The following KRI1 variants were observed in gnomAD, a reference collection of about 807,000 sequenced individuals.
The protein encoded by KRI1 is KRI1 homolog.
Under a neutral mutation model 97.0 loss-of-function variants are expected in KRI1, and 83 were observed. That is an observed-to-expected ratio of 0.86 (90% CI 0.72 to 1.03). The LOEUF (loss-of-function observed/expected upper bound fraction) is 1.03. Ranked by LOEUF, KRI1 falls within the 50% of genes least tolerant of loss-of-function variation. The pLI, the probability that KRI1 is intolerant of heterozygous loss-of-function variation, is 0.00. For missense variants in KRI1, 916 were observed against 928.4 expected, an observed-to-expected ratio of 0.99 and a Z score of 0.17; for synonymous variants, 371 against 363.5, an observed-to-expected ratio of 1.02 and a Z score of -0.23.
chr19:10,565,980 G>C lies in KRI1; in HGVS notation c.20C>G (p.Ser7Trp), dbSNP rs1017084050. Reference sequence around the variant, plus strand: ...CGCCGCGTTCACCCGCAGCTGCGACGACCCGCGCGGTTCCGGCATGGCGGT... The same window carrying C: ...CGCCGCGTTCACCCGCAGCTGCGACCACCCGCGCGGTTCCGGCATGGCGGT... MPEPRG[S>W]SQLRVNAAFA... The change falls in exon 1 of 19, where the codon TCG (serine) becomes TGG (tryptophan). Residue 7 changes from serine (S) to tryptophan (W), a missense_variant. Ser to Trp is a radical substitution (Grantham distance 177). Around this residue, in one of 3 missense-constraint regions of KRI1, gnomAD observed 173 missense variants for 153.1 expected, o/e 1.13. Coordinates refer to ENST00000312962, the MANE Select transcript of KRI1 (RefSeq NM_023008.5). The C allele has an allele frequency of 5.3e-6, 8 of 1,523,620 alleles. No homozygotes were observed. The highest frequency in any genetic ancestry group is 4.1e-5 in the Admixed American group (2 of 49,328). 94.4% of individuals were successfully genotyped at this position (1,523,620 alleles called of 1,614,324 possible). A position where few individuals can be genotyped will look rare whatever the true frequency, so the allele number is the denominator to read the frequency against.
intron 16 of KRI1, among the ~76,000 whole-genome samples, chr19:10,556,081 GT>G (rs1916493523): frequency 6.6e-6 from 1 of 152,168 alleles, no homozygotes; most frequent in Non-Finnish European, 1.5e-5. Context: ...AGGACACCAA[GT>G]CTTTTGTTGA....
chr19:10,564,818 C>A, intron 3 of KRI1, 111 bp downstream of exon 3: 1 of 771,420 alleles, frequency 1.3e-6, no homozygotes, highest in Non-Finnish European at 2.3e-6. Flanking sequence ...ACTTTACAGA[C>A]AGGAAAAGAG....
intron 16 of KRI1, 105 bp from the exon 17 acceptor site, chr19:10,555,454 C>T (rs1314598494): frequency 8.0e-7 from 1 of 1,251,558 alleles, no homozygotes; most frequent in African/African-American, 1.5e-5. Flanking sequence ...CGCTACCACC[C>T]AGCAGGGTTG....
In KRI1 at chr19:10,554,273, GTC is replaced by G; in HGVS notation, c.1788_1789del (p.Glu596AspfsTer13). The G allele has an allele frequency of 6.2e-7, 1 of 1,613,608 alleles. No individual in the cohort carries two copies. The highest frequency in any genetic ancestry group is 8.5e-7 in the Non-Finnish European group (1 of 1,179,870). On this transcript the variant is annotated frameshift_variant, in exon 19 of 19. Coordinates refer to ENST00000312962, the MANE Select transcript of KRI1 (RefSeq NM_023008.5). LOFTEE classifies it low-confidence loss of function (END_TRUNC). ...TGGCTTCCCTGTGGCTTCCGCAGGT[GTC>G]TCTGCCCTGAGGGAGAAAAGTCAGG...
chr19:10,563,503 G>A (rs546250405), intron 3 of KRI1, among the ~76,000 whole-genome samples: 7 of 151,222 alleles, frequency 4.6e-5, no homozygotes, highest in East Asian at 3.9e-4. Flanking sequence ...GCACCACCAC[G>A]CCCAGCTAAT....
At chr19:10,561,143 C>A in intron 7 of KRI1, 26 bp downstream of exon 7, 1 of 1,612,488 alleles carries the variant, frequency 6.2e-7, no homozygotes, top group Non-Finnish European at 8.5e-7. Flanking sequence ...TGTCCCCCAG[C>A]AGTCCAGTCA....
chr19:10,565,191 T>C (rs1916825232), intron 2 of KRI1, 157 bp from the exon 3 acceptor site: 4 of 651,916 alleles, frequency 6.1e-6, no homozygotes, highest in South Asian at 5.0e-5. Context: ...AGAGGGGCCC[T>C]CTTGGGGTGG....
rs1916357713 is a variant in KRI1 at position 10,553,170 on chromosome 19, T to G, written c.*781A>C. The G allele has an allele frequency of 4.3e-6, 6 of 1,380,488 alleles. No individual in the cohort carries two copies. The Admixed American group carries it at 1.5e-4, about 34-fold the overall frequency. The allele number at this position is 1,380,488 out of a possible 1,614,324, so 85.5% of individuals were successfully genotyped here. On this transcript the variant is annotated 3_prime_UTR_variant, in exon 19 of 19. Transcript: ENST00000312962. ...TGGCAGTGATGATGGTACTTCCTGT[T>G]GTCAGCCCCTCAAGCCCAGCTGCAA...
At position 10,555,354 on chromosome 19, in the gene KRI1, G is replaced by A. The variant is rs965620569; in HGVS notation, c.1618-5C>T. 6.2e-6 allele frequency: 10 copies of A among 1,608,640 alleles called. No homozygotes were observed. Among genetic ancestry groups the A allele is most frequent in the African/African-American group, 5.4e-5 (4 of 73,994 alleles). ...CTTATCGTCAGCAGCGAGGATCTGC[G>A]TGGGAAGGGAGAGTGGGGACCTGCT... On this transcript the variant is annotated splice_polypyrimidine_tract_variant and splice_region_variant and intron_variant, in intron 16 of 18. Coordinates refer to ENST00000312962, the MANE Select transcript of KRI1 (RefSeq NM_023008.5).
chr19:10,565,618 G>T (rs1916841452), intron 2 of KRI1, 99 bp downstream of exon 2: 1 of 1,422,324 alleles, frequency 7.0e-7, no homozygotes, highest in Non-Finnish European at 9.3e-7. Flanking sequence ...CCCGCAGGGC[G>T]CTCTGGGGTT....
At position 10,560,432 on chromosome 19, in the gene KRI1, T is replaced by C; in HGVS notation, c.680A>G (p.Tyr227Cys). The change falls in exon 9 of 19, where the codon TAC becomes TGC. Residue 227 changes from tyrosine to cysteine, a missense_variant. Tyr to Cys is a radical substitution (Grantham distance 194, BLOSUM62 -2). Coordinates refer to ENST00000312962, the MANE Select transcript of KRI1 (RefSeq NM_023008.5). Reference protein sequence around the residue: ...SLKELTHLKEYWNDPELDEGE... With the variant: ...SLKELTHLKECWNDPELDEGE... ...TTCATCCAACTCAGGGTCGTTCCAG[T>C]ATTCCTTGAGATGCGTCTGGGGGTG... 1 of 1,612,844 alleles carries C rather than the reference T, an allele frequency of 6.2e-7. No individual in the cohort carries two copies. Among genetic ancestry groups the C allele is most frequent in the Non-Finnish European group, 8.5e-7 (1 of 1,179,300 alleles).
Position 10,564,391 on chromosome 19 carries a change from C to T in KRI1, c.274+538G>A, listed in dbSNP as rs551656297. Among the ~76,000 whole-genome samples, 65 of 151,668 alleles carry T rather than the reference C, an allele frequency of 4.3e-4. 1 individual carries two copies. Among genetic ancestry groups the T allele is most frequent in the African/African-American group, 1.5e-3 (64 of 41,314 alleles). Reference sequence around the variant, plus strand: ...AGGAGAATCGCTTGAACCTGGGAGACGGAGGTTGCAGTGAGCTGAGATCGT... The same window carrying T: ...AGGAGAATCGCTTGAACCTGGGAGATGGAGGTTGCAGTGAGCTGAGATCGT... On this transcript the variant is annotated intron_variant, in intron 3 of 18. Coordinates refer to ENST00000312962, the MANE Select transcript of KRI1 (RefSeq NM_023008.5).
intron 3 of KRI1, among the ~76,000 whole-genome samples, chr19:10,564,052 A>C (rs1215541274): frequency 6.6e-6 from 1 of 151,750 alleles, no homozygotes; most frequent in Non-Finnish European, 1.5e-5. Context: ...AGGCTGAGGC[A>C]GGAGAATCGG....
chr19:10,565,658 G>A (rs1916844466), intron 2 of KRI1, 59 bp downstream of exon 2: 10 of 1,510,070 alleles, frequency 6.6e-6, no homozygotes, highest in Non-Finnish European at 8.0e-6. Context: ...CATCGGGGTC[G>A]GGGTGCAGAG....
In KRI1 at chr19:10,559,539, C is replaced by A; in HGVS notation, c.1024-10G>T. The A allele has an allele frequency of 1.2e-6, 2 of 1,613,946 alleles. No individual in the cohort carries two copies. The highest frequency in any genetic ancestry group is 1.7e-6 in the Non-Finnish European group (2 of 1,179,980). On this transcript the variant is annotated splice_polypyrimidine_tract_variant and intron_variant, in intron 11 of 18. Coordinates refer to ENST00000312962, the MANE Select transcript of KRI1 (RefSeq NM_023008.5). ...GCTTCTTTGCTTTCTCCTGCAGGCC[C>A]AGGCAGAGAGGGGGAGGGCATGGGC...
At position 10,555,268 on chromosome 19, in the gene KRI1, G is replaced by GCGCCC. The variant is rs1382603190; in HGVS notation, c.1682+12_1682+16dup. ...TGCCCCCTGCGCATGTGGCCCCGCC[G>GCGCCC]CGCCCCGCCCCATCACCTGTACATG... On this transcript the variant is annotated intron_variant, in intron 17 of 18. Transcript: ENST00000312962. 2.4e-5 allele frequency: 20 copies of GCGCCC among 847,460 alleles called. No individual in the cohort carries two copies. The East Asian group carries it at 8.9e-4, about 38-fold the overall frequency. The allele number at this position is 847,460 out of a possible 1,614,324, so 52.5% of individuals were successfully genotyped here. A position where few individuals can be genotyped will look rare whatever the true frequency, so the allele number is the denominator to read the frequency against.
At chr19:10,562,236 G>A (rs1916724352) in intron 4 of KRI1, among the ~76,000 whole-genome samples, 1 of 152,018 alleles carries the variant, frequency 6.6e-6, no homozygotes, top group Non-Finnish European at 1.5e-5. Flanking sequence ...TTTTAGTAGA[G>A]ACGGGGTTTC....
chr19:10,554,989 C>T, intron 18 of KRI1, 98 bp downstream of exon 18: 1 of 975,612 alleles, frequency 1.0e-6, no homozygotes, highest in Non-Finnish European at 1.6e-6. Flanking sequence ...GGGGGCGCTG[C>T]ATTCCCAAAG....
chr19:10,561,520 G>A, intron 6 of KRI1, 147 bp downstream of exon 6: 1 of 884,300 alleles, frequency 1.1e-6, no homozygotes, highest in African/African-American at 1.6e-5. Flanking sequence ...CAAGCTCAGA[G>A]CAGTGCTGTG....
Sources: allele counts gnomAD v4.1 joint callset (sites outside exome capture counted in the v4.1 genomes callset), GRCh38; gene constraint gnomAD v4.1.1; regional missense constraint gnomAD v4.1.1; transcripts MANE v1.5; gene names NCBI Gene and HGNC (gene_info 2026-07-23, HGNC 2026-07-21).